Variants in CADM2 observed in about 807,000 individuals in gnomAD.
CADM2 encodes immunoglobulin superfamily member 4D.
In CADM2, 12 loss-of-function variants were observed where a neutral mutation model predicts 49.8. That is an observed-to-expected ratio of 0.24 (90% confidence interval 0.15 to 0.39). The LOEUF is 0.39. CADM2 is among the 10% of genes least tolerant of loss of function. The pLI is 1.00. For missense variants in CADM2, 378 were observed against 492.3 expected (o/e 0.77, Z 2.20); for synonymous variants, 214 against 175.4 (o/e 1.22, Z -1.74).
At chr3:86,053,915 A>G (rs1737621895) in intron 8 of CADM2, among the ~76,000 whole-genome samples, 1 of 152,018 alleles carries the variant, frequency 6.6e-6, no homozygotes, top group Non-Finnish European at 1.5e-5. Context: ...ACTTTTGTAT[A>G]TATTATCTGA....
intron 1 of CADM2, among the ~76,000 whole-genome samples, chr3:85,639,735 C>T (rs1330455773): frequency 6.6e-6 from 1 of 152,004 alleles, no homozygotes; most frequent in Non-Finnish European, 1.5e-5. Flanking sequence ...CAAATAGTGT[C>T]ATTAAGAAGG....
intron 1 of CADM2, among the ~76,000 whole-genome samples, chr3:85,378,076 C>T (rs1202448172): frequency 6.6e-6 from 1 of 151,826 alleles, no homozygotes; most frequent in Non-Finnish European, 1.5e-5. Flanking sequence ...GAAATATTTT[C>T]TATCATTGTG....
intron 1 of CADM2, among the ~76,000 whole-genome samples, chr3:85,538,699 A>G (rs1246680701): frequency 6.9e-6 from 1 of 145,472 alleles, no homozygotes; most frequent in East Asian, 2.2e-4. Flanking sequence ...TAGTCTGTTT[A>G]TAATAAAATC....
At chr3:85,137,205 C>A (rs891238177) in intron 1 of CADM2, among the ~76,000 whole-genome samples, 13 of 151,758 alleles carry the variant, frequency 8.6e-5, no homozygotes, top group Admixed American at 4.6e-4. Context: ...AAGAAATGAA[C>A]AATTGATATT....
chr3:85,192,512 A>T (rs1231754620), intron 1 of CADM2, among the ~76,000 whole-genome samples: 1 of 151,960 alleles, frequency 6.6e-6, no homozygotes, highest in Non-Finnish European at 1.5e-5. Context: ...TGAGATACCA[A>T]GAAGTGGAGA....
intron 1 of CADM2, among the ~76,000 whole-genome samples, chr3:85,462,351 A>G (rs1235695221): frequency 6.6e-6 from 1 of 152,188 alleles, no homozygotes; most frequent in African/African-American, 2.4e-5. Context: ...TTCTAACTGC[A>G]CACCAAGACT....
chr3:85,023,526 T>A (rs182004818), intron 1 of CADM2, among the ~76,000 whole-genome samples: 39 of 152,114 alleles, frequency 2.6e-4, no homozygotes, highest in African/African-American at 8.9e-4. Context: ...GTTTCATGAG[T>A]CTAGAGGAAA....
At chr3:85,290,395 TA>T (rs1310595448) in intron 1 of CADM2, among the ~76,000 whole-genome samples, 1 of 152,184 alleles carries the variant, frequency 6.6e-6, no homozygotes, top group African/African-American at 2.4e-5. Flanking sequence ...CTTGCTTAGG[TA>T]AACAAAGCAG....
chr3:85,577,132 T>C (rs2062653740), intron 1 of CADM2, among the ~76,000 whole-genome samples: 2 of 152,192 alleles, frequency 1.3e-5, no homozygotes, highest in African/African-American at 4.8e-5. Flanking sequence ...TTTTTTTTCT[T>C]ACAAAGGGTT....
At chr3:85,325,445 C>A (rs895263194) in intron 1 of CADM2, among the ~76,000 whole-genome samples, 1 of 152,190 alleles carries the variant, frequency 6.6e-6, no homozygotes, top group East Asian at 1.9e-4. Flanking sequence ...GGTGTGGTGG[C>A]TCACGCCTAT....
intron 8 of CADM2, among the ~76,000 whole-genome samples, chr3:85,964,232 C>T (rs148317331): frequency 7.2e-4 from 109 of 151,876 alleles, no homozygotes; most frequent in African/African-American, 2.5e-3. Context: ...TTTGTGAGAA[C>T]TTTACCCTTT....
intron 8 of CADM2, among the ~76,000 whole-genome samples, chr3:85,961,918 TTAA>T (rs1461975383): frequency 6.6e-6 from 1 of 151,858 alleles, no homozygotes; most frequent in African/African-American, 2.4e-5. Context: ...GTAAACTATA[TTAA>T]TGATTGTCTT....
chr3:85,573,285 C>T (rs534391269), intron 1 of CADM2, among the ~76,000 whole-genome samples: 11 of 151,874 alleles, frequency 7.2e-5, no homozygotes, highest in South Asian at 2.1e-4. Context: ...CTCTGCTTCC[C>T]GGGTTCAAGT....
intron 1 of CADM2, among the ~76,000 whole-genome samples, chr3:85,160,536 G>A (rs2040290519): frequency 6.6e-6 from 1 of 151,946 alleles, no homozygotes. Flanking sequence ...TCATATTGTA[G>A]GTTTTAAAAA....
At chr3:85,497,048 C>T (rs2039936169) in intron 1 of CADM2, among the ~76,000 whole-genome samples, 1 of 151,990 alleles carries the variant, frequency 6.6e-6, no homozygotes, top group Non-Finnish European at 1.5e-5. Flanking sequence ...GGGATTTCAC[C>T]ATGTTGGCCA....
intron 1 of CADM2, among the ~76,000 whole-genome samples, chr3:85,207,676 C>T (rs77088424): frequency 0.028 from 4,233 of 152,026 alleles, 184 homozygotes; most frequent in African/African-American, 0.095. Context: ...TAGGTGAAAA[C>T]GAAATAAAGA....
chr3:85,323,657 C>A (rs982816934), intron 1 of CADM2, among the ~76,000 whole-genome samples: 1 of 152,178 alleles, frequency 6.6e-6, no homozygotes, highest in Admixed American at 6.5e-5. Flanking sequence ...GGATCCCATA[C>A]TCACCACCAG....
intron 1 of CADM2, among the ~76,000 whole-genome samples, chr3:85,053,299 G>A (rs903608955): frequency 2.0e-5 from 3 of 151,974 alleles, no homozygotes; most frequent in African/African-American, 7.2e-5. Context: ...GTCACCAAGA[G>A]GTGATCATGC....
chr3:85,021,238 A>AG (rs1282233749), intron 1 of CADM2, among the ~76,000 whole-genome samples: 1 of 152,126 alleles, frequency 6.6e-6, no homozygotes, highest in African/African-American at 2.4e-5. Flanking sequence ...TTTAAAAAAA[A>AG]GATTTGAGAA....
Sources: allele counts gnomAD v4.1 joint callset (sites outside exome capture counted in the v4.1 genomes callset), GRCh38; gene constraint gnomAD v4.1.1; transcripts MANE v1.5; gene names NCBI Gene and HGNC (gene_info 2026-07-23, HGNC 2026-07-21).